Variants in NEBL observed in about 807,000 individuals in gnomAD.
NEBL encodes LIM and SH3 protein 2.
A neutral mutation model predicts 140.2 loss-of-function variants in NEBL; 122 were observed. The observed-to-expected ratio is 0.87, with a 90% CI of 0.75 to 1.01. The LOEUF is 1.01. NEBL is among the 50% of genes least tolerant of loss of function. NEBL has a pLI of 0.00. For missense variants in NEBL, 1,365 were observed against 1,231.3 expected (o/e 1.11, Z -1.62); for synonymous variants, 436 against 398.9 (o/e 1.09, Z -1.11).
intron 2 of NEBL, among the ~76,000 whole-genome samples, chr10:21,123,536 C>A (rs1008248763): frequency 6.6e-6 from 1 of 152,028 alleles, no homozygotes; most frequent in Non-Finnish European, 1.5e-5. Flanking sequence ...TTCCATAAAT[C>A]CCCACCACTT....
At chr10:21,071,023 A>G (rs947428079) in intron 2 of NEBL, among the ~76,000 whole-genome samples, 5 of 151,584 alleles carry the variant, frequency 3.3e-5, no homozygotes, top group Non-Finnish European at 7.4e-5. Flanking sequence ...CAAAAAAAAA[A>G]GGAGCCAGGT....
chr10:20,993,795 C>T (rs1482625007), intron 3 of NEBL, among the ~76,000 whole-genome samples: 4 of 152,100 alleles, frequency 2.6e-5, no homozygotes, highest in African/African-American at 4.8e-5. Context: ...GGGGAGGTGA[C>T]GAAGGGAAGG....
chr10:21,227,835 T>C (rs572313122), intron 3 of NEBL, among the ~76,000 whole-genome samples: 1,757 of 149,658 alleles, frequency 0.012, 23 homozygotes, highest in South Asian at 0.057. Flanking sequence ...TTCTTTCTTC[T>C]TCTTCTTTCT....
At chr10:20,994,083 T>C (rs1353885940) in intron 3 of NEBL, among the ~76,000 whole-genome samples, 1 of 152,238 alleles carries the variant, frequency 6.6e-6, no homozygotes, top group Admixed American at 6.5e-5. Context: ...CTCCAATTAC[T>C]GAACCTCAGA....
At chr10:20,953,424 T>C (rs1835603626) in intron 4 of NEBL, among the ~76,000 whole-genome samples, 1 of 152,054 alleles carries the variant, frequency 6.6e-6, no homozygotes, top group African/African-American at 2.4e-5. Flanking sequence ...CCTCCAGAAC[T>C]GTGAGAAAAA....
At chr10:21,201,016 G>C (rs533580135) in intron 3 of NEBL, among the ~76,000 whole-genome samples, 1 of 151,908 alleles carries the variant, frequency 6.6e-6, no homozygotes, top group Admixed American at 6.6e-5. Flanking sequence ...AGGAGATCGA[G>C]GCTGCAGTGA....
chr10:20,819,046 G>T, intron 20 of NEBL: 1 of 1,031,566 alleles, frequency 9.7e-7, no homozygotes, highest in South Asian at 3.3e-5. Context: ...CCATATAATT[G>T]CATGTTGCTC....
intron 9 of NEBL, among the ~76,000 whole-genome samples, chr10:20,857,635 C>G (rs1242618215): frequency 1.3e-5 from 2 of 152,074 alleles, no homozygotes; most frequent in South Asian, 4.2e-4. Flanking sequence ...TGGGTTGAAA[C>G]AGCATTCAGC....
At chr10:20,937,363 C>A (rs1387107496) in intron 4 of NEBL, among the ~76,000 whole-genome samples, 1 of 152,144 alleles carries the variant, frequency 6.6e-6, no homozygotes, top group African/African-American at 2.4e-5. Context: ...CAGATATTAT[C>A]ATTCCCATGA....
chr10:20,898,171 TA>T (rs200712707), upstream of NEBL, among the ~76,000 whole-genome samples: 745 of 151,744 alleles, frequency 4.9e-3, 4 homozygotes, highest in Non-Finnish European at 7.9e-3. Context: ...AAACCAAGGT[TA>T]AAAAAAAATT....
chr10:21,113,267 C>A, intron 2 of NEBL: 7 of 223,428 alleles, frequency 3.1e-5, no homozygotes, highest in Admixed American at 5.2e-5. Context: ...CCATCAACAC[C>A]AAGATCAAAA....
chr10:20,821,618 T>A (rs1839323705), intron 19 of NEBL, among the ~76,000 whole-genome samples: 1 of 152,242 alleles, frequency 6.6e-6, no homozygotes, highest in Non-Finnish European at 1.5e-5. Flanking sequence ...CTAGTCACCC[T>A]TCTTTTGGAA....
intron 2 of NEBL, among the ~76,000 whole-genome samples, chr10:21,096,773 G>A (rs914664721): frequency 4.6e-5 from 7 of 152,042 alleles, no homozygotes; most frequent in South Asian, 2.1e-4. Flanking sequence ...CCTCAGCTGC[G>A]ACAGGATTAC....
intron 2 of NEBL, chr10:21,112,947 A>T (rs7068183): frequency 0.13 from 45,499 of 360,740 alleles, 3,214 homozygotes; most frequent in African/African-American, 0.15. Flanking sequence ...CTTAAGTGTA[A>T]CTGGAAAGTG....
chr10:20,791,812 C>T (rs1836012212), intron 26 of NEBL, among the ~76,000 whole-genome samples: 1 of 152,102 alleles, frequency 6.6e-6, no homozygotes, highest in African/African-American at 2.4e-5. Flanking sequence ...TTGAAGAGTA[C>T]TCAAAAAGAA....
At chr10:20,902,075 A>C (rs980497847), upstream of NEBL, among the ~76,000 whole-genome samples, 5 of 152,128 alleles carry the variant, frequency 3.3e-5, no homozygotes, top group African/African-American at 1.2e-4. Context: ...AAAGCAACCT[A>C]AACATGTGTC....
intron 3 of NEBL, among the ~76,000 whole-genome samples, chr10:20,962,481 G>T (rs1391762197): frequency 6.6e-6 from 1 of 152,240 alleles, no homozygotes; most frequent in African/African-American, 2.4e-5. Context: ...AAGTAGCGAA[G>T]ATTTTTTTCA....
At chr10:20,962,136 T>A (rs921391894) in intron 3 of NEBL, among the ~76,000 whole-genome samples, 1 of 152,200 alleles carries the variant, frequency 6.6e-6, no homozygotes, top group Admixed American at 6.5e-5. Context: ...ATAATAGTTA[T>A]TATGATTATC....
intron 3 of NEBL, among the ~76,000 whole-genome samples, chr10:20,992,193 G>A (rs926551582): frequency 2.0e-5 from 3 of 152,056 alleles, no homozygotes; most frequent in Non-Finnish European, 4.4e-5. Context: ...TTAAACGTTG[G>A]TTTAAAAATA....
Sources: allele counts gnomAD v4.1 joint callset (sites outside exome capture counted in the v4.1 genomes callset), GRCh38; gene constraint gnomAD v4.1.1; transcripts MANE v1.5; gene names NCBI Gene and HGNC (gene_info 2026-07-23, HGNC 2026-07-21).